PCDHA4: variants seen among roughly 807,000 people sequenced by gnomAD.
PCDHA4 encodes protocadherin alpha-4.
Under a neutral mutation model 61.4 loss-of-function variants are expected in PCDHA4, and 49 were observed. That is an observed-to-expected ratio of 0.80 (90% confidence interval 0.63 to 1.01). The LOEUF is 1.01. PCDHA4 is among the 50% of genes least tolerant of loss of function. The pLI is 0.00. For missense variants in PCDHA4, 1,254 were observed against 1,235.8 expected (o/e 1.01, Z -0.22); for synonymous variants, 590 against 550.3 (o/e 1.07, Z -1.01).
intron 1 of PCDHA4, among the ~76,000 whole-genome samples, chr5:140,956,378 G>A (rs1317429422): frequency 5.9e-5 from 9 of 152,072 alleles, no homozygotes; most frequent in African/African-American, 1.7e-4. Context: ...GAATTTTATC[G>A]AAGGCCTTTT....
intron 1 of PCDHA4, among the ~76,000 whole-genome samples, chr5:140,942,347 G>T (rs2093273719): frequency 6.6e-6 from 1 of 151,956 alleles, no homozygotes; most frequent in Non-Finnish European, 1.5e-5. Flanking sequence ...GGGAGGCGGA[G>T]GTTGCAGTTA....
intron 1 of PCDHA4, chr5:140,823,224 G>A (rs2150123702): frequency 6.2e-7 from 1 of 1,613,550 alleles, no homozygotes; most frequent in Non-Finnish European, 8.5e-7. Context: ...ACGCGGACGC[G>A]CAGGAGAACG....
At chr5:140,877,048 G>T (rs376952553) in intron 1 of PCDHA4, 1 of 1,612,676 alleles carries the variant, frequency 6.2e-7, no homozygotes, top group Non-Finnish European at 8.5e-7. Flanking sequence ...GCTAGACCAC[G>T]AGGAGCTGGA....
At chr5:140,871,955 G>C in intron 1 of PCDHA4, among the ~76,000 whole-genome samples, 1 of 152,196 alleles carries the variant, frequency 6.6e-6, no homozygotes, top group East Asian at 1.9e-4. Flanking sequence ...TTTCTAAAGG[G>C]AGGAGGTCTT....
chr5:140,941,206 T>TCTTC (rs201128549), intron 1 of PCDHA4, among the ~76,000 whole-genome samples: 3,670 of 95,482 alleles, frequency 0.038, 169 homozygotes, highest in African/African-American at 0.16. Flanking sequence ...TTTCTTCCTT[T>TCTTC]CTTTCTTCCT....
chr5:140,876,928 A>G lies in PCDHA4; in HGVS notation c.2385+67356A>G, dbSNP rs188405716. On this transcript the variant is annotated intron_variant, in intron 1 of 3. Coordinates refer to ENST00000530339, the MANE Select transcript of PCDHA4 (RefSeq NM_018907.4). ...GTCGGCATGGGACGCGGACGCGCAG[A>G]AGAACGCGCTGGTGTCCTACTCGCT... The G allele has an allele frequency of 1.9e-5, 31 of 1,613,808 alleles. No individual in the cohort carries two copies. In the African/African-American group the frequency reaches 2.4e-4, roughly 12 times the overall value.
chr5:140,850,888 A>T, intron 1 of PCDHA4: 1 of 1,581,398 alleles, frequency 6.3e-7, no homozygotes, highest in Non-Finnish European at 8.6e-7. Context: ...TCAACTGGGA[A>T]GGTGGGTTTT....
chr5:140,838,785 G>T (rs1377417578), intron 1 of PCDHA4, among the ~76,000 whole-genome samples: 2 of 151,968 alleles, frequency 1.3e-5, no homozygotes, highest in Non-Finnish European at 2.9e-5. Context: ...AGCTATGCAT[G>T]GTGATGCATG....
intron 1 of PCDHA4, among the ~76,000 whole-genome samples, chr5:140,963,380 G>A (rs1476855902): frequency 6.6e-6 from 1 of 152,198 alleles, no homozygotes; most frequent in Non-Finnish European, 1.5e-5. Context: ...GAGCACCTCT[G>A]TGCCAAGCTC....
In PCDHA4 at chr5:140,875,915, T is replaced by G. The variant is rs782225928; in HGVS notation, c.2385+66343T>G. On this transcript the variant is annotated intron_variant, in intron 1 of 3. Transcript: ENST00000530339. Reference sequence around the variant, plus strand: ...GTACCTGTTTCTGAATCTGCGCCTCTGGACTCTCATTTTCCTCTAGAGGGC... The same window carrying G: ...GTACCTGTTTCTGAATCTGCGCCTCGGGACTCTCATTTTCCTCTAGAGGGC... 3.7e-6 allele frequency: 6 copies of G among 1,614,096 alleles called. No homozygotes were observed. In the African/African-American group the frequency reaches 6.7e-5, roughly 18 times the overall value.
rs114351206 is a variant in PCDHA4 at position 140,991,799 on chromosome 5, G to A, written c.2533+9236G>A. Among the ~76,000 whole-genome samples the A allele has an allele frequency of 3.8e-3, 580 of 152,160 alleles. 3 individuals are homozygous for A. The highest frequency in any genetic ancestry group is 0.013 in the African/African-American group (548 of 41,490). On this transcript the variant is annotated intron_variant, in intron 3 of 3. Coordinates refer to ENST00000530339, the MANE Select transcript of PCDHA4 (RefSeq NM_018907.4). ...ACTCTGCCCATTTCCCAATCTCAAG[G>A]CCACTTCCGCATTTTTAGGCATTTA... is the stretch of plus-strand genomic sequence containing the variant.
chr5:140,876,017 T>C lies in PCDHA4; in HGVS notation c.2385+66445T>C, dbSNP rs371785405. The C allele has an allele frequency of 8.7e-6, 14 of 1,613,124 alleles. No homozygotes were observed. Among genetic ancestry groups the C allele is most frequent in the Admixed American group, 3.3e-5 (2 of 59,812 alleles). ...CTAAATGAGAATTTTGAGCTTAAAA[T>C]AAAAACAAAAAAAGATAAAAGTATA... On this transcript the variant is annotated intron_variant, in intron 1 of 3. Transcript: ENST00000530339.
At position 140,929,021 on chromosome 5, in the gene PCDHA4, G is replaced by C. The variant is rs782118774; in HGVS notation, c.2386-49928G>C. On this transcript the variant is annotated intron_variant, in intron 1 of 3. Coordinates refer to ENST00000530339, the MANE Select transcript of PCDHA4 (RefSeq NM_018907.4). ...TTCGTGTGTACCAAGTTGCACCAGA[G>C]CCCAGGCTGTTGCGCTCAGAGCTGC... is the stretch of plus-strand genomic sequence containing the variant. The C allele has an allele frequency of 2.5e-6, 4 of 1,614,072 alleles. No individual in the cohort carries two copies. The African/African-American group carries it at 5.3e-5, about 22-fold the overall frequency.
chr5:140,843,686 CA>C (rs2150365068), intron 1 of PCDHA4: 11 of 1,588,582 alleles, frequency 6.9e-6, no homozygotes, highest in Non-Finnish European at 2.6e-6. Context: ...AGGCGAAGAG[CA>C]AGATTTAAAT....
chr5:140,829,635 G>A, intron 1 of PCDHA4: 1 of 1,612,310 alleles, frequency 6.2e-7, no homozygotes, highest in Non-Finnish European at 8.5e-7. Flanking sequence ...GCGGAGAGCG[G>A]CAAGGTGTAC....
chr5:140,924,647 C>G (rs1396293249), intron 1 of PCDHA4, among the ~76,000 whole-genome samples: 1 of 152,132 alleles, frequency 6.6e-6, no homozygotes, highest in East Asian at 1.9e-4. Context: ...GTAATCCCAG[C>G]ACTTTGGGAG....
At chr5:140,920,616 C>A (rs929240808) in intron 1 of PCDHA4, among the ~76,000 whole-genome samples, 1 of 152,012 alleles carries the variant, frequency 6.6e-6, no homozygotes, top group African/African-American at 2.4e-5. Flanking sequence ...GAGGCCGAGG[C>A]GGATGGATCA....
intron 1 of PCDHA4, among the ~76,000 whole-genome samples, chr5:140,943,423 T>C (rs782562871): frequency 5.3e-5 from 8 of 152,080 alleles, no homozygotes; most frequent in Non-Finnish European, 7.4e-5. Context: ...GGCAAGGGCT[T>C]TAATATGATA....
intron 1 of PCDHA4, among the ~76,000 whole-genome samples, chr5:140,896,094 AGC>A (rs2065382019): frequency 6.6e-6 from 1 of 152,148 alleles, no homozygotes; most frequent in Non-Finnish European, 1.5e-5. Context: ...TACAGGCGTG[AGC>A]CACTGTGCCT....
Sources: allele counts gnomAD v4.1 joint callset (sites outside exome capture counted in the v4.1 genomes callset), GRCh38; gene constraint gnomAD v4.1.1; transcripts MANE v1.5; gene names NCBI Gene and HGNC (gene_info 2026-07-23, HGNC 2026-07-21).